Variants in FRAS1 observed in about 807,000 individuals in gnomAD.
FRAS1 encodes the protein Fraser extracellular matrix complex subunit 1, also known as extracellular matrix organizing protein FRAS1.
In FRAS1, 290 loss-of-function variants were observed where a neutral mutation model predicts 435.2. That is an observed-to-expected ratio of 0.67 (90% CI 0.61 to 0.73). FRAS1 has a LOEUF of 0.73. FRAS1 is among the 30% of genes least tolerant of loss of function. The probability of loss-of-function intolerance (pLI) is 0.00; values close to 1 mark genes in which losing one functional copy is unlikely to be tolerated. For missense variants in FRAS1, 4,860 were observed against 5,001.5 expected (o/e 0.97, Z 0.85); for synonymous variants, 1,800 against 1,851.0 (o/e 0.97, Z 0.71).
At chr4:78,070,804 C>T (rs1410845427) in intron 2 of FRAS1, 2 of 152,188 alleles carry the variant, frequency 1.3e-5, no homozygotes, top group African/African-American at 4.8e-5. Flanking sequence ...GAAAGTTCTT[C>T]CTGGGATCAA....
intron 51 of FRAS1, among the ~76,000 whole-genome samples, chr4:78,470,640 G>A (rs1436752978): frequency 6.6e-6 from 1 of 152,180 alleles, no homozygotes; most frequent in Non-Finnish European, 1.5e-5. Flanking sequence ...TATAGCATTT[G>A]TGCCATGTGA....
rs71216219 is a variant in FRAS1, at chr4:78,518,422, GTATATATATATATA to G, written c.10390-891_10390-878del. Reference sequence around the variant, plus strand: ...GTTTTAAGCTAAGTTTTTTTGTTGTGTATATATATATATATATATATATATATATATTTATTTAT... The same window carrying G: ...GTTTTAAGCTAAGTTTTTTTGTTGTGTATATATATATATATATTTATTTAT... On this transcript the variant is annotated intron_variant, in intron 66 of 73. Transcript: ENST00000512123. Among the ~76,000 whole-genome samples, 153 of 135,718 alleles carry G rather than the reference GTATATATATATATA, an allele frequency of 1.1e-3. 1 individual carries two copies. The highest frequency in any genetic ancestry group is 3.8e-3 in the African/African-American group (127 of 33,062). 89.0% of individuals were successfully genotyped at this position (135,718 alleles called of 152,430 possible).
At chr4:78,469,239 A>T (rs1328020573) in intron 50 of FRAS1, among the ~76,000 whole-genome samples, 1 of 152,196 alleles carries the variant, frequency 6.6e-6, no homozygotes, top group African/African-American at 2.4e-5. Flanking sequence ...CTTGTGGGAG[A>T]TTGAAAAGCC....
At chr4:78,308,338 T>A in intron 15 of FRAS1, 129 bp downstream of exon 15, 1 of 968,258 alleles carries the variant, frequency 1.0e-6, no homozygotes, top group Non-Finnish European at 1.5e-6. Flanking sequence ...CTGCTGAGAT[T>A]AATCTTTGAT....
chr4:78,229,711 TA>T (rs10599067), intron 2 of FRAS1, among the ~76,000 whole-genome samples: 85,476 of 148,244 alleles, frequency 0.58, 25,064 homozygotes, highest in East Asian at 0.66. Flanking sequence ...CAGCACAGAA[TA>T]AAAAAAAAAA....
chr4:78,457,589 C>T (rs931738631), intron 47 of FRAS1, among the ~76,000 whole-genome samples: 2 of 152,130 alleles, frequency 1.3e-5, no homozygotes, highest in African/African-American at 4.8e-5. Context: ...AGAGCTTTAT[C>T]CTCATCAAAT....
chr4:78,221,039 G>GC lies in FRAS1; in HGVS notation c.109-16470dup, dbSNP rs1724030375. Among the ~76,000 whole-genome samples, 7 of 152,146 alleles carry GC rather than the reference G, an allele frequency of 4.6e-5. No individual in the cohort carries two copies. The South Asian group carries it at 1.5e-3, about 32-fold the overall frequency. On this transcript the variant is annotated intron_variant, in intron 2 of 73. Transcript: ENST00000512123. ...AAAAATTAGCCAGATGTGGTGGTGT[G>GC]CACCTGTAGTCTCAGCTACTTGGGA...
chr4:78,483,757 G>GA (rs201695646), intron 58 of FRAS1, among the ~76,000 whole-genome samples: 2 of 76,348 alleles, frequency 2.6e-5, no homozygotes, highest in Admixed American at 1.7e-4. Flanking sequence ...TCCTTCAGGA[G>GA]AAAAAAAAAA....
rs757158168 is a variant in FRAS1, at chr4:78,132,228, T to C, written c.108+66212T>C. Among the ~76,000 whole-genome samples the C allele has an allele frequency of 5.3e-5, 8 of 152,344 alleles. No individual in the cohort carries two copies. In the East Asian group the frequency reaches 5.8e-4, roughly 11 times the overall value. On this transcript the variant is annotated intron_variant, in intron 2 of 73. Transcript: ENST00000512123. Reference sequence around the variant, plus strand: ...AAGTCAGGAAGGGCAGCCAGTACTATTGACTTTTACTTCAGGTTTGGCTAA... The same window carrying C: ...AAGTCAGGAAGGGCAGCCAGTACTACTGACTTTTACTTCAGGTTTGGCTAA...
At chr4:78,467,491 G>A (rs935436371) in intron 50 of FRAS1, among the ~76,000 whole-genome samples, 3 of 152,140 alleles carry the variant, frequency 2.0e-5, no homozygotes, top group African/African-American at 7.2e-5. Flanking sequence ...CACTTAGGTT[G>A]CTTCCAAATC....
intron 7 of FRAS1, among the ~76,000 whole-genome samples, chr4:78,266,316 T>C (rs73827923): frequency 0.031 from 4,758 of 152,312 alleles, 255 homozygotes; most frequent in African/African-American, 0.11. Flanking sequence ...ACACAGCTAT[T>C]ACTAAAGGTT....
intron 22 of FRAS1, among the ~76,000 whole-genome samples, chr4:78,369,271 A>C (rs1731402038): frequency 6.7e-6 from 1 of 149,272 alleles, no homozygotes; most frequent in African/African-American, 2.5e-5. Context: ...CCAGTTGTTA[A>C]ATAAGGGAAG....
At position 78,473,526 on chromosome 4, in the gene FRAS1, C is replaced by T. The variant is rs1156494067; in HGVS notation, c.7611C>T (p.Asp2537=). ...ATAGTTTTCAGTTTCTGGTGAAAGA[C>T]AGTAAACCCAATGTGGTCAGCGACA... ...MMDSFQFLVK[D]SKPNVVSDNV... is the part of the protein sequence containing the mutation. Residue 2537 remains aspartate, a synonymous_variant, in exon 53 of 74, where the codon GAC becomes GAT. Transcript: ENST00000512123. 3.7e-6 allele frequency: 6 copies of T among 1,613,188 alleles called. No individual in the cohort carries two copies. Among genetic ancestry groups the T allele is most frequent in the South Asian group, 1.1e-5 (1 of 90,992 alleles).
At chr4:78,287,852 G>A (rs1176639876) in intron 14 of FRAS1, among the ~76,000 whole-genome samples, 1 of 152,140 alleles carries the variant, frequency 6.6e-6, no homozygotes, top group Admixed American at 6.5e-5. Context: ...ATGCCACAGA[G>A]ATATGAGTGT....
intron 18 of FRAS1, among the ~76,000 whole-genome samples, chr4:78,332,202 G>A (rs1729976305): frequency 6.6e-6 from 1 of 152,166 alleles, no homozygotes; most frequent in Non-Finnish European, 1.5e-5. Flanking sequence ...GTGGGAGTGT[G>A]AGTTCTGGAC....
In FRAS1 at chr4:78,066,726, A is replaced by G. The variant is rs557354041; in HGVS notation, c.108+710A>G. On this transcript the variant is annotated intron_variant, in intron 2 of 73. Coordinates refer to ENST00000512123, the MANE Select transcript of FRAS1 (RefSeq NM_025074.7). The stretch of plus-strand genomic sequence containing the variant: ...ATTTTGGTTTAATAAATGCTATAAT[A>G]AAACTGAACTGAGATGGTTGGAAAG... Among the ~76,000 whole-genome samples, 86 of 152,358 alleles carry G rather than the reference A, an allele frequency of 5.6e-4. 2 individuals are homozygous for G. Among genetic ancestry groups the G allele is most frequent in the Non-Finnish European group, 6.2e-4 (42 of 68,030 alleles).
intron 66 of FRAS1, among the ~76,000 whole-genome samples, chr4:78,516,855 T>G (rs1258633998): frequency 6.6e-6 from 1 of 152,138 alleles, no homozygotes; most frequent in African/African-American, 2.4e-5. Context: ...TCCCTTGACA[T>G]GTAGGGATTA....
intron 2 of FRAS1, among the ~76,000 whole-genome samples, chr4:78,067,893 G>A (rs899723551): frequency 2.0e-5 from 3 of 146,418 alleles, no homozygotes; most frequent in Non-Finnish European, 4.5e-5. Context: ...TAGTAGAGAC[G>A]GGGTTTTGGC....
At chr4:78,302,669 G>A (rs568333617) in intron 14 of FRAS1, among the ~76,000 whole-genome samples, 1 of 151,962 alleles carries the variant, frequency 6.6e-6, no homozygotes, top group East Asian at 1.9e-4. Context: ...AGAAATGTCT[G>A]TTCATGTCCT....
Sources: allele counts gnomAD v4.1 joint callset (sites outside exome capture counted in the v4.1 genomes callset), GRCh38; gene constraint gnomAD v4.1.1; transcripts MANE v1.5; gene names NCBI Gene and HGNC (gene_info 2026-07-23, HGNC 2026-07-21).